GCNT1: variants seen among roughly 807,000 people sequenced by gnomAD.
GCNT1 encodes the protein glucosaminyl (N-acetyl) transferase 1, also known as beta-1,3-galactosyl-O-glycosyl-glycoprotein beta-1,6-N-acetylglucosaminyltransferase.
A neutral mutation model predicts 26.2 loss-of-function variants in GCNT1; 16 were observed. The observed-to-expected ratio is 0.61, with a 90% confidence interval of 0.41 to 0.93. The LOEUF is 0.93. GCNT1 is among the 40% of genes least tolerant of loss of function. The pLI is 0.00. For missense variants in GCNT1, 477 were observed against 526.7 expected, an observed-to-expected ratio of 0.91 and a Z score of 0.92; for synonymous variants, 183 against 190.8, an observed-to-expected ratio of 0.96 and a Z score of 0.34.
chr9:76,507,044 C>A lies in GCNT1; in HGVS notation c.*3376C>A, dbSNP rs911119346. ...TGAAATCATAACTTAGCCAAGCCTA[C>A]CTTAAATGTTCTCAGAACATTTAGC... On this transcript the variant is annotated 3_prime_UTR_variant, in exon 4 of 4. Transcript: ENST00000376730. 1 of 166,982 alleles carries A rather than the reference C, an allele frequency of 6.0e-6. No individual in the cohort carries two copies. Among genetic ancestry groups the A allele is most frequent in the African/African-American group, 2.4e-5 (1 of 41,436 alleles). The allele number at this position is 166,982 out of a possible 1,614,324, so 10.3% of individuals were successfully genotyped here. A position where few individuals can be genotyped will look rare whatever the true frequency, so the allele number is the denominator to read the frequency against.
chr9:76,502,939 T>G lies in GCNT1; in HGVS notation c.558T>G (p.Val186=). 6.2e-7 allele frequency: 1 copy of G among 1,613,230 alleles called. No individual in the cohort carries two copies. Among genetic ancestry groups the G allele is most frequent in the Non-Finnish European group, 8.5e-7 (1 of 1,180,014 alleles). ...VFVASRLESV[V]YASWSRVQAD... ...TGGCCAGCCGATTGGAGAGTGTGGTTTATGCATCGTGGAGCCGGGTTCAGG... is the reference window on the plus strand; with the variant it reads ...TGGCCAGCCGATTGGAGAGTGTGGTGTATGCATCGTGGAGCCGGGTTCAGG... The change falls in exon 4 of 4, where the codon GTT becomes GTG. Residue 186 remains valine, a synonymous_variant. Transcript: ENST00000376730.
intron 1 of GCNT1, among the ~76,000 whole-genome samples, chr9:76,434,415 T>C (rs1823379077): frequency 6.6e-6 from 1 of 152,168 alleles, no homozygotes; most frequent in African/African-American, 2.4e-5. Flanking sequence ...TTCATGGACA[T>C]TTATCACTCC....
intron 1 of GCNT1, chr9:76,420,130 C>G (rs1823169926): frequency 1.3e-5 from 2 of 152,232 alleles, no homozygotes; most frequent in African/African-American, 4.8e-5. Flanking sequence ...GACTTCAAAA[C>G]AGATTTGTGT....
upstream of GCNT1, among the ~76,000 whole-genome samples, chr9:76,456,752 C>T (rs1237942524): frequency 1.3e-5 from 2 of 152,176 alleles, no homozygotes; most frequent in East Asian, 1.9e-4. Flanking sequence ...GTGGGTGGAT[C>T]GCTTGAGCGT....
intron 1 of GCNT1, among the ~76,000 whole-genome samples, chr9:76,434,701 G>A (rs1267213669): frequency 2.6e-5 from 4 of 152,066 alleles, no homozygotes; most frequent in Non-Finnish European, 4.4e-5. Context: ...TGCGGGGTGG[G>A]GCAAAAAGAG....
chr9:76,433,513 C>A (rs1823365303), intron 1 of GCNT1, among the ~76,000 whole-genome samples: 1 of 152,176 alleles, frequency 6.6e-6, no homozygotes, highest in Middle Eastern at 3.2e-3. Context: ...CAGCCACTAG[C>A]CCCACATGTA....
chr9:76,461,194 C>CTT (rs71372085), intron 2 of GCNT1, among the ~76,000 whole-genome samples: 5 of 125,936 alleles, frequency 4.0e-5, no homozygotes, highest in Admixed American at 1.6e-4. Flanking sequence ...GTGTAGGCAG[C>CTT]TTTTTTTTTT....
intron 1 of GCNT1, among the ~76,000 whole-genome samples, chr9:76,427,275 C>G (rs1280945968): frequency 6.7e-6 from 1 of 150,272 alleles, no homozygotes; most frequent in Non-Finnish European, 1.5e-5. Flanking sequence ...TGGCTTACTG[C>G]AGCCTTGACG....
At chr9:76,489,299 T>G (rs1463964279) in intron 2 of GCNT1, among the ~76,000 whole-genome samples, 1 of 152,108 alleles carries the variant, frequency 6.6e-6, no homozygotes, top group Admixed American at 6.6e-5. Flanking sequence ...GTGTCTGGAG[T>G]TGGTTCCTTC....
intron 2 of GCNT1, among the ~76,000 whole-genome samples, chr9:76,481,244 G>A (rs1278611485): frequency 6.6e-6 from 1 of 151,918 alleles, no homozygotes; most frequent in East Asian, 1.9e-4. Context: ...GGATTAAATG[G>A]TGAGTGGAAT....
the GCNT1 span, among the ~76,000 whole-genome samples, chr9:76,411,697 C>CTTTTTTT: frequency 9.4e-4 from 79 of 83,640 alleles, 3 homozygotes; most frequent in African/African-American, 3.5e-3. Context: ...ATCAATTATA[C>CTTTTTTT]TTTTTTTTTT....
intron 1 of GCNT1, among the ~76,000 whole-genome samples, chr9:76,422,346 G>A (rs1025432338): frequency 6.6e-6 from 1 of 152,096 alleles, no homozygotes; most frequent in Non-Finnish European, 1.5e-5. Context: ...CAGGATTACA[G>A]GTGTGAACCA....
chr9:76,432,273 A>T (rs967054498), intron 1 of GCNT1, among the ~76,000 whole-genome samples: 1 of 152,204 alleles, frequency 6.6e-6, no homozygotes, highest in African/African-American at 2.4e-5. Context: ...GGCAATCCAA[A>T]TTAAAATTGT....
chr9:76,471,021 C>G (rs997344793), intron 2 of GCNT1, among the ~76,000 whole-genome samples: 1 of 152,188 alleles, frequency 6.6e-6, no homozygotes, highest in Non-Finnish European at 1.5e-5. Flanking sequence ...CATCCATTGT[C>G]TACACATTTC....
intron 2 of GCNT1, among the ~76,000 whole-genome samples, chr9:76,491,912 T>C (rs1229886221): frequency 2.0e-5 from 3 of 152,206 alleles, no homozygotes; most frequent in Admixed American, 2.0e-4. Flanking sequence ...GCACCTAATA[T>C]GCCATTTACA....
chr9:76,400,228 C>G, the GCNT1 span, among the ~76,000 whole-genome samples: 1 of 152,164 alleles, frequency 6.6e-6, no homozygotes, highest in Non-Finnish European at 1.5e-5. Context: ...TAAAACTGCT[C>G]TAAAAAGTAG....
chr9:76,414,323 T>C, the GCNT1 span, among the ~76,000 whole-genome samples: 1 of 152,192 alleles, frequency 6.6e-6, no homozygotes, highest in Non-Finnish European at 1.5e-5. Flanking sequence ...AGCGATGTGC[T>C]GGTAAGATTT....
At chr9:76,496,805 A>C (rs181178895) in intron 2 of GCNT1, among the ~76,000 whole-genome samples, 4 of 151,600 alleles carry the variant, frequency 2.6e-5, no homozygotes, top group Admixed American at 2.6e-4. Flanking sequence ...CTCTGTTCCA[A>C]CTCACGGTGG....
At chr9:76,457,212 C>T (rs72747344), upstream of GCNT1, among the ~76,000 whole-genome samples, 3,564 of 152,172 alleles carry the variant, frequency 0.023, 65 homozygotes, top group Non-Finnish European at 0.034. Context: ...CAAGCGTGAG[C>T]CATTGCAAAC....
Sources: allele counts gnomAD v4.1 joint callset (sites outside exome capture counted in the v4.1 genomes callset), GRCh38; gene constraint gnomAD v4.1.1; transcripts MANE v1.5; gene names NCBI Gene and HGNC (gene_info 2026-07-23, HGNC 2026-07-21).